Variants in PCDHA4 observed in about 807,000 individuals in gnomAD.
PCDHA4 encodes the protein protocadherin alpha 4, also known as protocadherin alpha-4.
A neutral mutation model predicts 61.4 loss-of-function variants in PCDHA4; 49 were observed. The ratio of observed to expected loss-of-function variants is 0.80; its 90% CI spans 0.63 to 1.01. The LOEUF (loss-of-function observed/expected upper bound fraction) is 1.01, where lower values mean the gene tolerates loss of function less well. Ranked by LOEUF, PCDHA4 falls within the 50% of genes least tolerant of loss-of-function variation. The pLI, the probability that PCDHA4 is intolerant of heterozygous loss-of-function variation, is 0.00. For missense variants in PCDHA4, 1,254 were observed against 1,235.8 expected (o/e 1.01, Z -0.22); for synonymous variants, 590 against 550.3 (o/e 1.07, Z -1.01).
intron 1 of PCDHA4, chr5:140,851,195 TAGTC>T (rs1233299239): frequency 1.2e-5 from 14 of 1,207,754 alleles, no homozygotes; most frequent in Non-Finnish European, 1.5e-5. Context: ...ATTTAGTTGT[TAGTC>T]ATTCATTAAA....
At chr5:140,840,433 C>T (rs1580937674) in intron 1 of PCDHA4, among the ~76,000 whole-genome samples, 1 of 151,660 alleles carries the variant, frequency 6.6e-6, no homozygotes, top group African/African-American at 2.4e-5. Context: ...AGTTTAAAGC[C>T]GTGGAAATAG....
chr5:140,929,124 C>A (rs2085843450), intron 1 of PCDHA4: 5 of 1,614,048 alleles, frequency 3.1e-6, no homozygotes, highest in Admixed American at 3.3e-5. Context: ...CCATAGATGT[C>A]ACTACAGTTG....
chr5:140,835,493 A>T (rs147393584), intron 1 of PCDHA4: 3 of 1,613,914 alleles, frequency 1.9e-6, no homozygotes, highest in African/African-American at 1.3e-5. Context: ...CCGTCATCAC[A>T]TTGATTAGCG....
At position 140,808,975 on chromosome 5, in the gene PCDHA4, GGT is replaced by G. The variant is rs782407899; in HGVS notation, c.1790_1791del (p.Val597GlyfsTer3). On this transcript the variant is annotated frameshift_variant, in exon 1 of 4. Coordinates refer to ENST00000530339, the MANE Select transcript of PCDHA4 (RefSeq NM_018907.4). LOFTEE classifies it high-confidence loss of function. The part of the protein sequence containing the change: ...VGHVVAKVRA[V>X]DADSGYNAWL... ...GCCACGTGGTGGCAAAGGTGCGCGC[GGT>G]GGATGCTGACTCGGGCTACAACGCG... is the stretch of plus-strand genomic sequence containing the variant. The G allele has an allele frequency of 2.5e-6, 4 of 1,613,626 alleles. No individual in the cohort carries two copies. The Admixed American group carries it at 6.7e-5, about 27-fold the overall frequency.
chr5:140,841,971 G>T (rs2150326595), intron 1 of PCDHA4: 3 of 1,613,910 alleles, frequency 1.9e-6, no homozygotes, highest in East Asian at 2.2e-5. Flanking sequence ...GCCACAGATG[G>T]GGGCAAACCT....
chr5:140,955,603 C>T (rs898504105), intron 1 of PCDHA4, among the ~76,000 whole-genome samples: 1 of 152,146 alleles, frequency 6.6e-6, no homozygotes, highest in Non-Finnish European at 1.5e-5. Flanking sequence ...TTATAAATTA[C>T]CCAGTCTCAG....
At chr5:140,987,316 G>A (rs13153056) in intron 3 of PCDHA4, among the ~76,000 whole-genome samples, 9,624 of 152,218 alleles carry the variant, frequency 0.063, 338 homozygotes, top group East Asian at 0.12. Flanking sequence ...AATGTACTGT[G>A]AAGTTTTAAG....
At chr5:140,830,041 G>C in intron 1 of PCDHA4, 1 of 1,613,848 alleles carries the variant, frequency 6.2e-7, no homozygotes, top group East Asian at 2.2e-5. Flanking sequence ...TGCTGGTGCT[G>C]GTGAAAGACC....
At chr5:141,000,743 T>TA (rs527867626) in intron 3 of PCDHA4, among the ~76,000 whole-genome samples, 4,963 of 145,376 alleles carry the variant, frequency 0.034, 280 homozygotes, top group African/African-American at 0.12. Flanking sequence ...CTCTGTATAT[T>TA]AAAAAAAAAA....
At chr5:140,973,007 G>T (rs2096567856) in intron 1 of PCDHA4, among the ~76,000 whole-genome samples, 1 of 152,160 alleles carries the variant, frequency 6.6e-6, no homozygotes, top group Non-Finnish European at 1.5e-5. Context: ...TGTGGTCGTG[G>T]TGTTGTGATT....
chr5:140,843,258 G>A, intron 1 of PCDHA4: 1 of 1,596,068 alleles, frequency 6.3e-7, no homozygotes, highest in Middle Eastern at 1.7e-4. Context: ...CCGCGCCACC[G>A]TCTGCTGGTC....
chr5:140,966,529 G>C (rs1382443921), intron 1 of PCDHA4: 5 of 446,974 alleles, frequency 1.1e-5, no homozygotes, highest in Non-Finnish European at 1.9e-5. Flanking sequence ...GCCGAGCCGG[G>C]TTGAGCGACT....
intron 1 of PCDHA4, among the ~76,000 whole-genome samples, chr5:140,920,150 G>A (rs2079485713): frequency 6.6e-6 from 1 of 152,244 alleles, no homozygotes; most frequent in South Asian, 2.1e-4. Flanking sequence ...CCAAACCTGG[G>A]AGAAAAACTG....
rs542536806 is a variant in PCDHA4, at chr5:140,896,054, G to T, written c.2386-82895G>T. Among the ~76,000 whole-genome samples the T allele has an allele frequency of 4.6e-5, 7 of 151,966 alleles. 1 individual carries two copies. In the East Asian group the frequency reaches 1.4e-3, roughly 30 times the overall value. On this transcript the variant is annotated intron_variant, in intron 1 of 3. Transcript: ENST00000530339. ...TCGAACTCCTGACCTCAGGTGATCC[G>T]CCTGCCTCGGCCTCCCAACATGCTG...
chr5:140,810,484 T>C (rs1764670672), intron 1 of PCDHA4: 2 of 152,240 alleles, frequency 1.3e-5, no homozygotes, highest in Admixed American at 1.3e-4. Context: ...CCACATCATC[T>C]CTACATTTGT....
chr5:140,820,316 T>C (rs1554127824), intron 1 of PCDHA4, among the ~76,000 whole-genome samples: 1 of 152,012 alleles, frequency 6.6e-6, no homozygotes, highest in African/African-American at 2.4e-5. Flanking sequence ...ATATCTTGTT[T>C]CTTTACAAGT....
At chr5:140,889,949 A>G (rs1444545834) in intron 1 of PCDHA4, among the ~76,000 whole-genome samples, 1 of 152,202 alleles carries the variant, frequency 6.6e-6, no homozygotes, top group South Asian at 2.1e-4. Flanking sequence ...GAGAAGCCAA[A>G]TGGATAGAAA....
intron 1 of PCDHA4, chr5:140,835,703 C>A (rs2150242433): frequency 6.2e-6 from 10 of 1,613,784 alleles, no homozygotes; most frequent in Middle Eastern, 1.6e-4. Context: ...CCACTGCTAG[C>A]GTGTCCGTGG....
At chr5:140,833,422 G>T (rs548825433) in intron 1 of PCDHA4, among the ~76,000 whole-genome samples, 4 of 152,178 alleles carry the variant, frequency 2.6e-5, no homozygotes, top group Admixed American at 2.0e-4. Context: ...CTGTATGTGA[G>T]ATGGCTGAGC....
Sources: gnomAD v4.1 joint callset for allele counts (sites outside exome capture counted in the v4.1 genomes callset) on GRCh38, gnomAD v4.1.1 for gene constraint, MANE v1.5 for transcripts, NCBI Gene and HGNC (gene_info 2026-07-23, HGNC 2026-07-21) for gene names.